GLI3: variants seen among roughly 807,000 people sequenced by gnomAD.
GLI3 encodes the protein transcription activator GLI3.
In GLI3, 20 loss-of-function variants were observed where a neutral mutation model predicts 100.8. The observed-to-expected ratio is 0.20, with a 90% CI of 0.14 to 0.29. GLI3 has a LOEUF of 0.29. GLI3 is among the 10% of genes least tolerant of loss of function. The probability of loss-of-function intolerance (pLI) is 1.00; values close to 1 mark genes in which losing one functional copy is unlikely to be tolerated. For missense variants in GLI3, 2,040 were observed against 2,128.5 expected (o/e 0.96, Z 0.82); for synonymous variants, 938 against 860.5 (o/e 1.09, Z -1.58).
At chr7:42,137,664 T>C (rs866758687) in intron 3 of GLI3, among the ~76,000 whole-genome samples, 12 of 152,268 alleles carry the variant, frequency 7.9e-5, no homozygotes, top group African/African-American at 1.7e-4. Flanking sequence ...CCACCAGCTA[T>C]AGGTTGAGTA....
chr7:42,103,989 A>T (rs1279714250), intron 3 of GLI3, among the ~76,000 whole-genome samples: 1 of 152,220 alleles, frequency 6.6e-6, no homozygotes, highest in Non-Finnish European at 1.5e-5. Flanking sequence ...GTGAGGGGCC[A>T]GCTGACTTTC....
intron 10 of GLI3, among the ~76,000 whole-genome samples, chr7:41,980,910 C>T (rs949842138): frequency 6.6e-6 from 1 of 152,158 alleles, no homozygotes; most frequent in African/African-American, 2.4e-5. Flanking sequence ...GCTTAAATTA[C>T]TATACAATTA....
chr7:42,155,503 T>C (rs961407221), intron 2 of GLI3, among the ~76,000 whole-genome samples: 1 of 151,652 alleles, frequency 6.6e-6, no homozygotes, highest in Non-Finnish European at 1.5e-5. Context: ...AGCTTAATTG[T>C]TTTCATATTT....
intron 2 of GLI3, among the ~76,000 whole-genome samples, chr7:42,166,741 C>T (rs187449290): frequency 4.1e-4 from 61 of 149,502 alleles, no homozygotes; most frequent in African/African-American, 1.3e-3. Flanking sequence ...CTCACTGCAC[C>T]CTCTGCCTCC....
intron 3 of GLI3, among the ~76,000 whole-genome samples, chr7:42,106,323 A>G (rs1364820355): frequency 6.6e-6 from 1 of 152,204 alleles, no homozygotes; most frequent in Non-Finnish European, 1.5e-5. Context: ...TGCTGTCCCC[A>G]GCCTAAGGCC....
chr7:42,222,165 T>C (rs542879819), intron 2 of GLI3, among the ~76,000 whole-genome samples: 1 of 152,356 alleles, frequency 6.6e-6, no homozygotes, highest in South Asian at 2.1e-4. Context: ...CCAAAGGAGA[T>C]TCTGACTCTC....
At chr7:42,111,206 T>G (rs1358999556) in intron 3 of GLI3, among the ~76,000 whole-genome samples, 1 of 151,874 alleles carries the variant, frequency 6.6e-6, no homozygotes, top group Non-Finnish European at 1.5e-5. Context: ...CTGCCAAGAG[T>G]GAGACTGGAC....
intron 1 of GLI3, among the ~76,000 whole-genome samples, chr7:42,223,967 C>T (rs1461162657): frequency 6.6e-6 from 1 of 152,206 alleles, no homozygotes; most frequent in Non-Finnish European, 1.5e-5. Flanking sequence ...TAGAACAACA[C>T]GCTCTTGATT....
intron 3 of GLI3, among the ~76,000 whole-genome samples, chr7:42,137,375 A>G (rs565713232): frequency 2.4e-4 from 36 of 152,216 alleles, no homozygotes; most frequent in Non-Finnish European, 4.0e-4. Flanking sequence ...TTGTTGGCCC[A>G]CAAGGTCCCT....
intron 10 of GLI3, among the ~76,000 whole-genome samples, chr7:42,016,067 C>T (rs1788751722): frequency 6.6e-6 from 1 of 152,104 alleles, no homozygotes. Context: ...ACTGGCATCT[C>T]ATGGGGAGAG....
upstream of GLI3, chr7:42,237,674 G>C (rs1438175745): frequency 6.6e-6 from 1 of 151,460 alleles, no homozygotes; most frequent in Admixed American, 6.6e-5. Context: ...CCCCCGCCCA[G>C]TCCCTTTTCT....
Position 42,169,939 on chromosome 7 carries a change from T to C in GLI3, c.125-21471A>G, listed in dbSNP as rs138971785. On this transcript the variant is annotated intron_variant, in intron 2 of 14. Coordinates refer to ENST00000395925, the MANE Select transcript of GLI3 (RefSeq NM_000168.6). The stretch of plus-strand genomic sequence containing the variant: ...TCAATTACTTCTTATATTTACTGTG[T>C]TTTCCAATATTTCGCTAAAATTAAA... Among the ~76,000 whole-genome samples, 139 of 151,794 alleles carry C rather than the reference T, an allele frequency of 9.2e-4. 1 individual carries two copies. The highest frequency in any genetic ancestry group is 3.3e-3 in the African/African-American group (135 of 41,404).
chr7:42,013,039 C>T (rs1031918316), intron 10 of GLI3, among the ~76,000 whole-genome samples: 3 of 152,164 alleles, frequency 2.0e-5, no homozygotes, highest in African/African-American at 7.2e-5. Flanking sequence ...TAAGATTGGG[C>T]CGGTTATGTT....
chr7:42,257,240 A>T (rs911731800), intron 1 of GLI3, among the ~76,000 whole-genome samples: 8 of 150,840 alleles, frequency 5.3e-5, no homozygotes, highest in South Asian at 4.2e-4. Flanking sequence ...ATACCACTAA[A>T]TTTTTTTTCT....
chr7:41,961,198 A>G lies in GLI3; in HGVS notation c.*3132T>C, dbSNP rs377391339. ...GTGTTTCTTTTAAAAAAAGGATTACACATTTTATTTTTTAAAAAAATCTAA... is the reference window on the plus strand; with the variant it reads ...GTGTTTCTTTTAAAAAAAGGATTACGCATTTTATTTTTTAAAAAAATCTAA... On this transcript the variant is annotated 3_prime_UTR_variant, in exon 15 of 15. Transcript: ENST00000395925. 105 of 152,780 alleles carry G rather than the reference A, an allele frequency of 6.9e-4. No individual in the cohort carries two copies. The highest frequency in any genetic ancestry group is 2.5e-3 in the African/African-American group (102 of 41,584). The allele number at this position is 152,780 out of a possible 1,614,324, so 9.5% of individuals were successfully genotyped here.
Position 42,076,840 on chromosome 7 carries a change from G to A in GLI3, c.385C>T (p.Pro129Ser). ...ATTGGTACAGGAGGATGGAAGGCAG[G>A]GAAAAGATGAGGAGGGTCTGAAAAG... is the stretch of plus-strand genomic sequence containing the variant. Reference protein sequence around the residue: ...EPHYHPPHLFPAFHPPVPIDA... With the variant: ...EPHYHPPHLFSAFHPPVPIDA... The change falls in exon 4 of 15, where the codon CCT (proline) becomes TCT (serine). Residue 129 changes from proline (P) to serine (S), a missense_variant. By Grantham distance (74) the Pro-to-Ser change is moderately conservative (BLOSUM62 -1). This residue lies in a region of GLI3 where 603 missense variants were observed against 690.9 expected (regional missense o/e 0.87). Coordinates refer to ENST00000395925, the MANE Select transcript of GLI3 (RefSeq NM_000168.6). 6.2e-7 allele frequency: 1 copy of A among 1,610,850 alleles called. No individual in the cohort carries two copies. Among genetic ancestry groups the A allele is most frequent in the Non-Finnish European group, 8.5e-7 (1 of 1,177,076 alleles).
intron 4 of GLI3, among the ~76,000 whole-genome samples, chr7:42,067,234 C>T (rs933050392): frequency 6.6e-6 from 1 of 152,144 alleles, no homozygotes; most frequent in Non-Finnish European, 1.5e-5. Flanking sequence ...TTCCTGAAAA[C>T]TTTCCTTAGT....
intron 1 of GLI3, among the ~76,000 whole-genome samples, chr7:42,230,178 T>C (rs1480023866): frequency 2.6e-5 from 4 of 151,556 alleles, no homozygotes; most frequent in Non-Finnish European, 4.4e-5. Flanking sequence ...TTTTCATGTA[T>C]AATTATTTTA....
chr7:42,178,905 G>A (rs375186182), intron 2 of GLI3, among the ~76,000 whole-genome samples: 5 of 152,124 alleles, frequency 3.3e-5, no homozygotes, highest in African/African-American at 7.2e-5. Flanking sequence ...AGACATGAGC[G>A]AGTCAGGAGA....
Sources: allele counts gnomAD v4.1 joint callset (sites outside exome capture counted in the v4.1 genomes callset), GRCh38; gene constraint gnomAD v4.1.1; regional missense constraint gnomAD v4.1.1; transcripts MANE v1.5; gene names NCBI Gene and HGNC (gene_info 2026-07-23, HGNC 2026-07-21).